PTPRD: variants seen among roughly 807,000 people sequenced by gnomAD.
PTPRD encodes the protein protein tyrosine phosphatase receptor type D, also known as receptor-type tyrosine-protein phosphatase delta.
Under a neutral mutation model 214.5 loss-of-function variants are expected in PTPRD, and 34 were observed. The observed-to-expected ratio is 0.16, with a 90% CI of 0.12 to 0.21. PTPRD has a LOEUF of 0.21. PTPRD is among the 10% of genes least tolerant of loss of function. The probability of loss-of-function intolerance (pLI) is 1.00; values close to 1 mark genes in which losing one functional copy is unlikely to be tolerated. For synonymous variants in PTPRD, 1,128 were observed against 845.7 expected (o/e 1.33, Z -5.79); for missense variants, 2,545 against 2,398.7 (o/e 1.06, Z -1.27).
chr9:9,996,012 GC>G (rs2096110309), intron 4 of PTPRD, among the ~76,000 whole-genome samples: 1 of 151,584 alleles, frequency 6.6e-6, no homozygotes, highest in African/African-American at 2.4e-5. Context: ...ATAATATTTT[GC>G]CATTTCATTT....
intron 11 of PTPRD, chr9:8,860,570 C>T (rs1566682780): frequency 6.6e-6 from 1 of 152,132 alleles, no homozygotes; most frequent in Non-Finnish European, 1.5e-5. Context: ...AATAGAGAAG[C>T]CAAAGTTTCT....
chr9:9,119,223 C>A (rs560382667), intron 10 of PTPRD, among the ~76,000 whole-genome samples: 1 of 152,234 alleles, frequency 6.6e-6, no homozygotes, highest in African/African-American at 2.4e-5. Context: ...CCATGTTAGT[C>A]ACCAGTCTAA....
At chr9:8,354,659 T>C (rs938563011) in intron 39 of PTPRD, among the ~76,000 whole-genome samples, 16 of 152,222 alleles carry the variant, frequency 1.1e-4, no homozygotes, top group African/African-American at 3.6e-4. Flanking sequence ...TAGTTGCATA[T>C]ATTTACAGGC....
At position 8,452,594 on chromosome 9, in the gene PTPRD, A is replaced by AT. The variant is rs749303860; in HGVS notation, c.3876-2758dup. Among the ~76,000 whole-genome samples the AT allele has an allele frequency of 2.0e-4, 30 of 152,020 alleles. 1 individual carries two copies. The highest frequency in any genetic ancestry group is 1.7e-3 in the East Asian group (9 of 5,172). ...CAGATTTTAAATTTTGCCTTGCTCTATTTTTTTTCTATTAAGATTATAAAA... is the reference window on the plus strand; with the variant it reads ...CAGATTTTAAATTTTGCCTTGCTCTATTTTTTTTTCTATTAAGATTATAAAA... On this transcript the variant is annotated intron_variant, in intron 33 of 45. Coordinates refer to ENST00000381196, the MANE Select transcript of PTPRD (RefSeq NM_002839.4).
chr9:10,260,043 C>A (rs2093591594), intron 3 of PTPRD, among the ~76,000 whole-genome samples: 1 of 152,196 alleles, frequency 6.6e-6, no homozygotes, highest in Non-Finnish European at 1.5e-5. Flanking sequence ...GTGGTTGTAT[C>A]TGCAGGCCTC....
At chr9:10,061,426 C>T (rs2097776000) in intron 3 of PTPRD, among the ~76,000 whole-genome samples, 1 of 152,100 alleles carries the variant, frequency 6.6e-6, no homozygotes, top group South Asian at 2.1e-4. Flanking sequence ...GTTCTTCCAA[C>T]AACAGCTCTC....
chr9:10,090,041 T>A (rs1322594216), intron 3 of PTPRD, among the ~76,000 whole-genome samples: 1 of 151,716 alleles, frequency 6.6e-6, no homozygotes, highest in Non-Finnish European at 1.5e-5. Flanking sequence ...CAAGACTGTA[T>A]AAGAAATTGC....
chr9:10,488,737 C>T (rs2099149318), intron 2 of PTPRD, among the ~76,000 whole-genome samples: 1 of 152,196 alleles, frequency 6.6e-6, no homozygotes, highest in African/African-American at 2.4e-5. Flanking sequence ...ACGGCCACCG[C>T]CACCACAGGC....
chr9:9,455,191 G>A (rs1322509064), intron 8 of PTPRD, among the ~76,000 whole-genome samples: 1 of 151,586 alleles, frequency 6.6e-6, no homozygotes, highest in African/African-American at 2.4e-5. Flanking sequence ...GATATTCTAA[G>A]TAACCCTCTT....
intron 3 of PTPRD, among the ~76,000 whole-genome samples, chr9:10,253,081 C>A (rs2092931891): frequency 2.6e-5 from 4 of 152,078 alleles, no homozygotes; most frequent in Admixed American, 2.6e-4. Flanking sequence ...CTGTGCCTGG[C>A]CACGTATTTT....
At chr9:8,545,278 C>T (rs1157536041) in intron 14 of PTPRD, among the ~76,000 whole-genome samples, 2 of 152,104 alleles carry the variant, frequency 1.3e-5, no homozygotes, top group East Asian at 3.8e-4. Context: ...ATTGTTTGTT[C>T]AGACATACAG....
intron 4 of PTPRD, among the ~76,000 whole-genome samples, chr9:9,959,833 G>A (rs2094224317): frequency 6.6e-6 from 1 of 152,182 alleles, no homozygotes; most frequent in African/African-American, 2.4e-5. Context: ...AAGCTAGAAT[G>A]ACTTATGTTG....
At chr9:9,078,871 C>A (rs1377425213) in intron 10 of PTPRD, among the ~76,000 whole-genome samples, 1 of 151,806 alleles carries the variant, frequency 6.6e-6, no homozygotes, top group East Asian at 1.9e-4. Context: ...TTATAAAGTA[C>A]AATAGTTTCA....
intron 2 of PTPRD, among the ~76,000 whole-genome samples, chr9:10,341,420 G>C (rs2096937079): frequency 6.6e-6 from 1 of 151,474 alleles, no homozygotes; most frequent in Non-Finnish European, 1.5e-5. Context: ...ATTGAATAAA[G>C]AAAAAAATGT....
chr9:10,284,177 A>C (rs1015694237), intron 3 of PTPRD, among the ~76,000 whole-genome samples: 5 of 152,152 alleles, frequency 3.3e-5, no homozygotes, highest in African/African-American at 1.2e-4. Flanking sequence ...GTACATGTGC[A>C]CATATTTGGC....
At chr9:9,345,364 T>C (rs895071326) in intron 9 of PTPRD, among the ~76,000 whole-genome samples, 3 of 152,002 alleles carry the variant, frequency 2.0e-5, no homozygotes, top group Non-Finnish European at 2.9e-5. Flanking sequence ...TAAAGTAGGT[T>C]TTTTTGATCA....
At chr9:9,889,901 A>G (rs1340247490) in intron 5 of PTPRD, among the ~76,000 whole-genome samples, 1 of 151,926 alleles carries the variant, frequency 6.6e-6, no homozygotes, top group Non-Finnish European at 1.5e-5. Flanking sequence ...CCAGCAGTAC[A>G]TGGTACTTCC....
At chr9:10,601,655 T>C (rs528471636) in intron 2 of PTPRD, among the ~76,000 whole-genome samples, 1 of 151,778 alleles carries the variant, frequency 6.6e-6, no homozygotes, top group Non-Finnish European at 1.5e-5. Flanking sequence ...GGAAATAAAA[T>C]TATATTATTG....
intron 4 of PTPRD, among the ~76,000 whole-genome samples, chr9:10,026,965 T>G (rs1168591240): frequency 6.6e-6 from 1 of 152,038 alleles, no homozygotes; most frequent in East Asian, 1.9e-4. Flanking sequence ...CAATCGATTT[T>G]AACATCCCAT....
Sources: allele counts gnomAD v4.1 joint callset (sites outside exome capture counted in the v4.1 genomes callset), GRCh38; gene constraint gnomAD v4.1.1; transcripts MANE v1.5; gene names NCBI Gene and HGNC (gene_info 2026-07-23, HGNC 2026-07-21).